Variants in MSI1 observed in about 807,000 individuals in gnomAD.
MSI1 encodes musashi RNA binding protein 1.
Under a neutral mutation model 54.4 loss-of-function variants are expected in MSI1, and 15 were observed. The observed-to-expected ratio is 0.28, with a 90% CI of 0.18 to 0.42. MSI1 has a LOEUF of 0.42. MSI1 is among the 20% of genes least tolerant of loss of function. The probability of loss-of-function intolerance (pLI) is 1.00; values close to 1 mark genes in which losing one functional copy is unlikely to be tolerated. For synonymous variants in MSI1, 200 were observed against 196.5 expected (o/e 1.02, Z -0.15); for missense variants, 304 against 506.0 (o/e 0.60, Z 3.83).
At chr12:120,363,295 C>G (rs902462897) in intron 5 of MSI1, among the ~76,000 whole-genome samples, 160 bp from the exon 6 acceptor site, 3 of 148,094 alleles carry the variant, frequency 2.0e-5, no homozygotes, top group Admixed American at 2.0e-4. Flanking sequence ...TGGACCCCCG[C>G]CTCTAGGCCT....
chr12:120,364,303 G>A (rs1177830733), intron 5 of MSI1, among the ~76,000 whole-genome samples: 2 of 152,134 alleles, frequency 1.3e-5, no homozygotes, highest in Non-Finnish European at 2.9e-5. Context: ...GGGGATCCAA[G>A]GGTAGCTCCC....
At chr12:120,349,271 G>T (rs949351449) in intron 11 of MSI1, among the ~76,000 whole-genome samples, 5 of 151,628 alleles carry the variant, frequency 3.3e-5, no homozygotes, top group Non-Finnish European at 7.4e-5. Flanking sequence ...AATTTTTTTT[G>T]TATTTTTAGT....
chr12:120,367,682 G>A (rs1289825583), intron 4 of MSI1, among the ~76,000 whole-genome samples: 1 of 152,034 alleles, frequency 6.6e-6, no homozygotes, highest in African/African-American at 2.4e-5. Flanking sequence ...ACCCAATTTG[G>A]GCTGGGGGAG....
Position 120,356,226 on chromosome 12 carries a change from G to C in MSI1, c.652+676C>G, listed in dbSNP as rs200449966. ...TGAGAGCAGGCTCTCCTTCTCAGAAGTTGCTCAATAAATATTACCTGAATG... is the reference window on the plus strand; with the variant it reads ...TGAGAGCAGGCTCTCCTTCTCAGAACTTGCTCAATAAATATTACCTGAATG... On this transcript the variant is annotated intron_variant, in intron 9 of 14. Transcript: ENST00000257552. 7.2e-5 allele frequency among the ~76,000 whole-genome samples: 11 copies of C among 152,248 alleles called. No homozygotes were observed. The East Asian group carries it at 2.1e-3, about 29-fold the overall frequency.
At chr12:120,346,936 C>A (rs765129328) in intron 12 of MSI1, among the ~76,000 whole-genome samples, 1 of 151,936 alleles carries the variant, frequency 6.6e-6, no homozygotes, top group Non-Finnish European at 1.5e-5. Context: ...AAGGCAGAGA[C>A]CCTGTCAGTC....
rs756759475 is a variant in MSI1, at chr12:120,357,904, G to A, written c.452-6C>T. ...AAACGTGACAAACCCGAACCCTAGAGGTTGGACAAAGGATAAAGGCAAGGT... is the reference window on the plus strand; with the variant it reads ...AAACGTGACAAACCCGAACCCTAGAAGTTGGACAAAGGATAAAGGCAAGGT... On this transcript the variant is annotated splice_polypyrimidine_tract_variant and splice_region_variant and intron_variant, in intron 7 of 14. Transcript: ENST00000257552. 1.2e-6 allele frequency: 2 copies of A among 1,614,102 alleles called. No homozygotes were observed. Among genetic ancestry groups the A allele is most frequent in the Non-Finnish European group, 1.7e-6 (2 of 1,179,984 alleles).
chr12:120,362,847 G>A (rs1048462852), intron 6 of MSI1, among the ~76,000 whole-genome samples, 196 bp downstream of exon 6: 1 of 152,174 alleles, frequency 6.6e-6, no homozygotes, highest in Admixed American at 6.5e-5. Context: ...TGTCCCGAGG[G>A]ATATCCTGAG....
At chr12:120,363,564 C>T (rs1875829254) in intron 5 of MSI1, among the ~76,000 whole-genome samples, 1 of 150,542 alleles carries the variant, frequency 6.6e-6, no homozygotes, top group South Asian at 2.1e-4. Flanking sequence ...CAACCTCTGG[C>T]AGCCCTGTGG....
At chr12:120,350,942 C>T (rs916121790) in intron 11 of MSI1, among the ~76,000 whole-genome samples, 8 of 152,142 alleles carry the variant, frequency 5.3e-5, no homozygotes, top group African/African-American at 7.2e-5. Context: ...TGTCCCCTCC[C>T]GGCAAGAGTC....
At chr12:120,350,179 C>A (rs577453070) in intron 11 of MSI1, among the ~76,000 whole-genome samples, 1 of 152,208 alleles carries the variant, frequency 6.6e-6, no homozygotes, top group South Asian at 2.1e-4. Context: ...GCACCACCAC[C>A]ACACCTGGCT....
In MSI1 at chr12:120,351,354, G is replaced by A; in HGVS notation, c.780C>T (p.Pro260=). The part of the protein sequence containing the change: ...RTPLPSAPVL[P]ELTAIPLTAY... ...ATCCGAGCGACTGACCTGTAAGCTC[G>A]GGGAGGACTGGGGCGCTCGGGAGAG... The change falls in exon 11 of 15, where the codon CCC becomes CCT. Residue 260 remains proline (P), a synonymous_variant. Coordinates refer to ENST00000257552, the MANE Select transcript of MSI1 (RefSeq NM_002442.4). 2 of 1,613,432 alleles carry A rather than the reference G, an allele frequency of 1.2e-6. No individual in the cohort carries two copies. Among genetic ancestry groups the A allele is most frequent in the Non-Finnish European group, 1.7e-6 (2 of 1,179,818 alleles).
intron 11 of MSI1, among the ~76,000 whole-genome samples, 195 bp downstream of exon 11, chr12:120,351,149 C>A (rs1404834855): frequency 2.6e-5 from 4 of 152,050 alleles, no homozygotes; most frequent in African/African-American, 7.2e-5. Context: ...CTTGGCTTGG[C>A]CCTATGCCCC....
At chr12:120,348,701 T>C (rs1446877458) in intron 11 of MSI1, among the ~76,000 whole-genome samples, 1 of 149,934 alleles carries the variant, frequency 6.7e-6, no homozygotes, top group Non-Finnish European at 1.5e-5. Context: ...CTGACCAACA[T>C]GGAGAAACCC....
chr12:120,359,737 G>A (rs760303075), intron 6 of MSI1, among the ~76,000 whole-genome samples: 3 of 151,928 alleles, frequency 2.0e-5, no homozygotes, highest in Non-Finnish European at 4.4e-5. Flanking sequence ...AAAGGCCTTG[G>A]TGCCACCTTC....
rs752413844 is a variant in MSI1, at chr12:120,357,891, C to T, written c.459G>A (p.Gly153=). ...TGTCCTCACTCTCAAACGTGACAAA[C>T]CCGAACCCTAGAGGTTGGACAAAGG... ...DKTTNRHRGF[G]FVTFESEDIV... Residue 153 remains glycine, a synonymous_variant, in exon 8 of 15, where the codon GGG becomes GGA. Coordinates refer to ENST00000257552, the MANE Select transcript of MSI1 (RefSeq NM_002442.4). 2.0e-5 allele frequency: 32 copies of T among 1,614,028 alleles called. No homozygotes were observed. The Admixed American group carries it at 3.8e-4, about 19-fold the overall frequency.
intron 6 of MSI1, 46 bp from the exon 7 acceptor site, chr12:120,359,099 C>T (rs1196619887): frequency 6.4e-7 from 1 of 1,550,764 alleles, no homozygotes; most frequent in Non-Finnish European, 8.7e-7. Flanking sequence ...ACCAGCGGAA[C>T]CCACTACCAC....
chr12:120,357,187 G>A (rs1010584887), intron 8 of MSI1, among the ~76,000 whole-genome samples, 168 bp from the exon 9 acceptor site: 2 of 152,172 alleles, frequency 1.3e-5, no homozygotes, highest in African/African-American at 2.4e-5. Context: ...GTGTGTAAAC[G>A]GCTTTGCATG....
At chr12:120,348,290 G>T (rs1874309871) in intron 11 of MSI1, among the ~76,000 whole-genome samples, 1 of 152,238 alleles carries the variant, frequency 6.6e-6, no homozygotes, top group Admixed American at 6.5e-5. Context: ...CCTGCTGAAA[G>T]AGTAGAAAGG....
intron 9 of MSI1, 94 bp from the exon 10 acceptor site, chr12:120,353,473 C>T: frequency 9.0e-7 from 1 of 1,106,064 alleles, no homozygotes; most frequent in South Asian, 1.3e-5. Flanking sequence ...CCCTCACCTT[C>T]CTTTATCATG....
Sources: allele counts gnomAD v4.1 joint callset (sites outside exome capture counted in the v4.1 genomes callset), GRCh38; gene constraint gnomAD v4.1.1; transcripts MANE v1.5; gene names NCBI Gene and HGNC (gene_info 2026-07-23, HGNC 2026-07-21).